USP34: variants seen among roughly 807,000 people sequenced by gnomAD.
USP34 encodes ubiquitin specific peptidase 34, also known as ubiquitin carboxyl-terminal hydrolase 34.
In USP34, 70 loss-of-function variants were observed where a neutral mutation model predicts 460.3. That is an observed-to-expected ratio of 0.15 (90% CI 0.13 to 0.19). The LOEUF (loss-of-function observed/expected upper bound fraction) is 0.19. Among genes scored for constraint, USP34 ranks in the 10% least tolerant of loss-of-function variants. The pLI is 1.00. For synonymous variants in USP34, 1,647 were observed against 1,405.3 expected (o/e 1.17, Z -3.85); for missense variants, 3,985 against 4,236.2 (o/e 0.94, Z 1.65).
At chr2:61,265,898 G>C in intron 42 of USP34, 86 bp downstream of exon 42, 1 of 1,239,538 alleles carries the variant, frequency 8.1e-7, no homozygotes, top group South Asian at 2.0e-5. Context: ...TGTGTGAAGA[G>C]CAGATTCTTT....
At chr2:61,447,919 T>A (rs1195617108) in intron 1 of USP34, among the ~76,000 whole-genome samples, 1 of 152,172 alleles carries the variant, frequency 6.6e-6, no homozygotes, top group African/African-American at 2.4e-5. Flanking sequence ...TTTCACCATG[T>A]TGGCCAGGCT....
intron 10 of USP34, among the ~76,000 whole-genome samples, chr2:61,367,978 A>C (rs1017960497): frequency 6.6e-6 from 1 of 152,202 alleles, no homozygotes; most frequent in Admixed American, 6.5e-5. Flanking sequence ...TATTACAAAG[A>C]GGCAAGTAAA....
intron 1 of USP34, among the ~76,000 whole-genome samples, chr2:61,468,169 A>G (rs1695838307): frequency 6.6e-6 from 1 of 152,188 alleles, no homozygotes; most frequent in Non-Finnish European, 1.5e-5. Context: ...TATAAACTAC[A>G]CATGTAATTG....
chr2:61,293,966 G>A (rs954048870), intron 32 of USP34, among the ~76,000 whole-genome samples: 1 of 152,128 alleles, frequency 6.6e-6, no homozygotes, highest in Admixed American at 6.5e-5. Context: ...AGTCAGCCAT[G>A]ATCATGCCAC....
At chr2:61,431,748 G>C (rs569636609) in intron 1 of USP34, among the ~76,000 whole-genome samples, 2 of 152,190 alleles carry the variant, frequency 1.3e-5, no homozygotes, top group South Asian at 2.1e-4. Context: ...CCAGCTACTT[G>C]AGACCCGCGG....
intron 53 of USP34, among the ~76,000 whole-genome samples, chr2:61,240,642 C>T (rs1011922788): frequency 2.7e-5 from 4 of 149,888 alleles, no homozygotes; most frequent in Non-Finnish European, 5.9e-5. Flanking sequence ...GGTGTGATCT[C>T]GGTTCACTAT....
intron 2 of USP34, among the ~76,000 whole-genome samples, chr2:61,416,254 T>G (rs1221344835): frequency 6.6e-6 from 1 of 152,196 alleles, no homozygotes; most frequent in South Asian, 2.1e-4. Flanking sequence ...TTTAACCTAT[T>G]TAAAAGCAAC....
At chr2:61,442,898 T>TACACACACATAC (rs1553392377) in intron 1 of USP34, among the ~76,000 whole-genome samples, 1 of 147,202 alleles carries the variant, frequency 6.8e-6, no homozygotes. Context: ...GTGATGTGTG[T>TACACACACATAC]ACACACACAC....
intron 21 of USP34, among the ~76,000 whole-genome samples, chr2:61,319,922 A>T (rs958423382): frequency 6.6e-6 from 1 of 152,202 alleles, no homozygotes; most frequent in African/African-American, 2.4e-5. Flanking sequence ...AATAAATGTG[A>T]GCTATATATA....
intron 1 of USP34, among the ~76,000 whole-genome samples, chr2:61,447,179 C>A (rs1285407229): frequency 7.0e-6 from 1 of 143,328 alleles, no homozygotes; most frequent in East Asian, 2.1e-4. Flanking sequence ...CATTTGAACC[C>A]AGAAGGCAGA....
intron 18 of USP34, among the ~76,000 whole-genome samples, chr2:61,337,293 T>C (rs574422124): frequency 1.2e-4 from 18 of 152,328 alleles, no homozygotes; most frequent in African/African-American, 2.4e-4. Context: ...TCTTGCAACA[T>C]TGTGTTTGTG....
chr2:61,398,371 A>G (rs2694627), intron 3 of USP34, among the ~76,000 whole-genome samples: 76,545 of 147,806 alleles, frequency 0.52, 20,034 homozygotes, highest in South Asian at 0.73. Flanking sequence ...GGTGAAAGAG[A>G]AGGAGGAGAG....
intron 75 of USP34, 109 bp downstream of exon 75, chr2:61,203,031 C>G: frequency 2.6e-6 from 3 of 1,166,968 alleles, no homozygotes; most frequent in Non-Finnish European, 2.3e-6. Context: ...TTTAAGCATT[C>G]ACTTTAAAAA....
At chr2:61,349,894 A>G (rs1446558845) in intron 12 of USP34, among the ~76,000 whole-genome samples, 2 of 152,114 alleles carry the variant, frequency 1.3e-5, no homozygotes, top group Non-Finnish European at 2.9e-5. Flanking sequence ...AGCACCTGAC[A>G]TGGCAGAAAA....
chr2:61,294,856 G>A, intron 32 of USP34, 93 bp downstream of exon 32: 1 of 1,030,838 alleles, frequency 9.7e-7, no homozygotes, highest in Non-Finnish European at 1.4e-6. Context: ...TAGTATATTA[G>A]TTTAAAATCA....
chr2:61,458,271 T>C (rs1375312972), intron 1 of USP34, among the ~76,000 whole-genome samples: 1 of 151,894 alleles, frequency 6.6e-6, no homozygotes. Context: ...CATAAGAAGG[T>C]ATATACAGGC....
chr2:61,305,212 T>G (rs1690365390), intron 27 of USP34, among the ~76,000 whole-genome samples: 1 of 151,924 alleles, frequency 6.6e-6, no homozygotes, highest in Admixed American at 6.6e-5. Flanking sequence ...TAGTCGCAGC[T>G]ACTTGGGAGG....
chr2:61,464,672 C>G (rs1166918445), intron 1 of USP34, among the ~76,000 whole-genome samples: 1 of 143,856 alleles, frequency 7.0e-6, no homozygotes, highest in Non-Finnish European at 1.5e-5. Context: ...AGCCCAAGAT[C>G]GCACCACTGC....
chr2:61,436,586 C>T (rs907749619), intron 1 of USP34, among the ~76,000 whole-genome samples: 11 of 152,166 alleles, frequency 7.2e-5, no homozygotes, highest in Non-Finnish European at 1.5e-4. Context: ...AGAGACAGAC[C>T]TCAACATAAT....
Sources: allele counts gnomAD v4.1 joint callset (sites outside exome capture counted in the v4.1 genomes callset), GRCh38; gene constraint gnomAD v4.1.1; transcripts MANE v1.5; gene names NCBI Gene and HGNC (gene_info 2026-07-23, HGNC 2026-07-21).